The following KHDRBS2 variants were observed in gnomAD, a reference collection of about 807,000 sequenced individuals.
KHDRBS2 encodes KH RNA binding domain containing, signal transduction associated 2, also known as KH domain-containing, RNA-binding, signal transduction-associated protein 2.
KHDRBS2 carries 26 observed loss-of-function variants against 44.3 expected under a neutral mutation model. That is an observed-to-expected ratio of 0.59 (90% confidence interval 0.43 to 0.81). The LOEUF (loss-of-function observed/expected upper bound fraction) is 0.81, where lower values mean the gene tolerates loss of function less well. Ranked by LOEUF, KHDRBS2 falls within the 40% of genes least tolerant of loss-of-function variation. KHDRBS2 has a pLI of 0.00. For missense variants in KHDRBS2, 476 were observed against 433.1 expected (o/e 1.10, Z -0.88); for synonymous variants, 194 against 151.1 (o/e 1.28, Z -2.08).
chr6:61,722,202 T>G (rs955131397), intron 7 of KHDRBS2, among the ~76,000 whole-genome samples: 5 of 152,194 alleles, frequency 3.3e-5, no homozygotes, highest in Non-Finnish European at 4.4e-5. Flanking sequence ...TGAGGATTTT[T>G]GCATCAATGT....
intron 4 of KHDRBS2, among the ~76,000 whole-genome samples, chr6:61,927,599 CTAAAG>C (rs1219832068): frequency 3.3e-5 from 5 of 152,074 alleles, no homozygotes; most frequent in Non-Finnish European, 5.9e-5. Context: ...CCTTAATTGT[CTAAAG>C]TAAAGAACTG....
At chr6:61,841,029 A>G (rs1247447851) in intron 6 of KHDRBS2, among the ~76,000 whole-genome samples, 1 of 152,154 alleles carries the variant, frequency 6.6e-6, no homozygotes, top group African/African-American at 2.4e-5. Flanking sequence ...TTTGTAGTCT[A>G]TAGTGGCCCT....
chr6:61,641,219 A>G, the KHDRBS2 span, among the ~76,000 whole-genome samples: 2 of 152,040 alleles, frequency 1.3e-5, no homozygotes, highest in South Asian at 4.1e-4. Flanking sequence ...AACACACACT[A>G]TGGGGTGCTT....
At chr6:61,656,177 A>T in the KHDRBS2 span, among the ~76,000 whole-genome samples, 1 of 152,194 alleles carries the variant, frequency 6.6e-6, no homozygotes, top group Non-Finnish European at 1.5e-5. Context: ...CTGAGATATA[A>T]AAGCTCAACA....
At chr6:61,574,359 T>G in the KHDRBS2 span, 4 of 1,527,312 alleles carry the variant, frequency 2.6e-6, no homozygotes, top group Non-Finnish European at 3.5e-6. Context: ...TGTCTCTTAC[T>G]TTCAACCACT....
rs185803023 is a variant in KHDRBS2 at position 61,839,170 on chromosome 6, T to A, written c.810+55465A>T. On this transcript the variant is annotated intron_variant, in intron 6 of 8. Coordinates refer to ENST00000281156, the MANE Select transcript of KHDRBS2 (RefSeq NM_152688.4). ...TCTTAATCCATAAGAAGCGTCTGTG[T>A]CTCCAATCTTAAATAATTGTTCATC... Among the ~76,000 whole-genome samples, 34 of 152,248 alleles carry A rather than the reference T, an allele frequency of 2.2e-4. No individual in the cohort carries two copies. The East Asian group carries it at 6.6e-3, about 29-fold the overall frequency.
At chr6:61,597,867 A>T in the KHDRBS2 span, among the ~76,000 whole-genome samples, 1 of 140,404 alleles carries the variant, frequency 7.1e-6, no homozygotes, top group African/African-American at 2.6e-5. Context: ...CAAACAAAGA[A>T]ACATGGGGAA....
At position 61,960,071 on chromosome 6, in the gene KHDRBS2, A is replaced by G. The variant is rs1229117349; in HGVS notation, c.483+17995T>C. On this transcript the variant is annotated intron_variant, in intron 4 of 8. Coordinates refer to ENST00000281156, the MANE Select transcript of KHDRBS2 (RefSeq NM_152688.4). ...TTTAATATCTTGTCCCTTCTCGCCAAATATTTCCCTGTACTTTTCAGGCCC... is the reference window on the plus strand; with the variant it reads ...TTTAATATCTTGTCCCTTCTCGCCAGATATTTCCCTGTACTTTTCAGGCCC... Among the ~76,000 whole-genome samples, 24 of 107,846 alleles carry G rather than the reference A, an allele frequency of 2.2e-4. No homozygotes were observed. The Admixed American group carries it at 2.5e-3, about 11-fold the overall frequency. The allele number at this position is 107,846 out of a possible 152,430, so 70.8% of individuals were successfully genotyped here.
intron 3 of KHDRBS2, among the ~76,000 whole-genome samples, chr6:62,044,243 T>C (rs761290662): frequency 1.6e-4 from 25 of 151,778 alleles, no homozygotes; most frequent in Non-Finnish European, 3.5e-4. Context: ...GGCAGGAGGA[T>C]CACTTGAGGA....
chr6:61,632,215 C>A, the KHDRBS2 span, among the ~76,000 whole-genome samples: 3 of 151,862 alleles, frequency 2.0e-5, no homozygotes, highest in Non-Finnish European at 2.9e-5. Flanking sequence ...TTTTGATATA[C>A]CTAAATGTTA....
intron 1 of KHDRBS2, among the ~76,000 whole-genome samples, chr6:62,274,030 G>C (rs537404257): frequency 1.3e-5 from 2 of 152,156 alleles, no homozygotes; most frequent in Admixed American, 6.5e-5. Context: ...CCGCCTTCTG[G>C]GTTCAATCAA....
chr6:62,113,897 G>A (rs568680829), intron 2 of KHDRBS2, among the ~76,000 whole-genome samples: 41 of 152,144 alleles, frequency 2.7e-4, no homozygotes, highest in African/African-American at 8.9e-4. Context: ...AGAAATACCC[G>A]AGACTGGTTA....
intron 6 of KHDRBS2, among the ~76,000 whole-genome samples, chr6:61,738,917 G>T (rs1375272575): frequency 2.6e-5 from 4 of 151,710 alleles, no homozygotes; most frequent in African/African-American, 9.7e-5. Context: ...TATTATCCAG[G>T]CATTAAACAT....
chr6:61,556,667 CA>C, the KHDRBS2 span, among the ~76,000 whole-genome samples: 1 of 151,726 alleles, frequency 6.6e-6, no homozygotes, highest in Non-Finnish European at 1.5e-5. Context: ...GGAGTTTAAC[CA>C]AAAAAGAACC....
intron 2 of KHDRBS2, among the ~76,000 whole-genome samples, chr6:62,119,816 G>C (rs1807161704): frequency 6.6e-6 from 1 of 152,144 alleles, no homozygotes; most frequent in South Asian, 2.1e-4. Flanking sequence ...CCTCTCTTGA[G>C]GCAGTTGCCA....
At chr6:61,667,974 TAA>T in the KHDRBS2 span, among the ~76,000 whole-genome samples, 1 of 151,218 alleles carries the variant, frequency 6.6e-6, no homozygotes, top group African/African-American at 2.4e-5. Context: ...AACTCATCAC[TAA>T]GTTTTACCTA....
At chr6:61,745,095 G>T (rs1364746653) in intron 6 of KHDRBS2, among the ~76,000 whole-genome samples, 2 of 152,046 alleles carry the variant, frequency 1.3e-5, no homozygotes, top group African/African-American at 4.8e-5. Context: ...GTTTAAAAAG[G>T]AAGCAATATA....
At chr6:62,127,166 C>T (rs1217339551) in intron 2 of KHDRBS2, among the ~76,000 whole-genome samples, 1 of 152,144 alleles carries the variant, frequency 6.6e-6, no homozygotes, top group African/African-American at 2.4e-5. Flanking sequence ...AATACAACTT[C>T]AGATTCAAAA....
At chr6:62,068,960 A>T (rs1265175099) in intron 2 of KHDRBS2, among the ~76,000 whole-genome samples, 1 of 151,322 alleles carries the variant, frequency 6.6e-6, no homozygotes, top group Non-Finnish European at 1.5e-5. Context: ...CATTTTCATG[A>T]TTGTTTTGGC....
Sources: gnomAD v4.1 joint callset for allele counts (sites outside exome capture counted in the v4.1 genomes callset) on GRCh38, gnomAD v4.1.1 for gene constraint, MANE v1.5 for transcripts, NCBI Gene and HGNC (gene_info 2026-07-23, HGNC 2026-07-21) for gene names.